TFE3: variants seen among roughly 807,000 people sequenced by gnomAD.
TFE3 encodes the protein transcription factor binding to IGHM enhancer 3, also known as transcription factor E3.
Under a neutral mutation model 35.0 loss-of-function variants are expected in TFE3, and 5 were observed. The observed-to-expected ratio is 0.14, with a 90% CI of 0.07 to 0.30. The LOEUF (loss-of-function observed/expected upper bound fraction) is 0.30. TFE3 is among the 10% of genes least tolerant of loss of function. The pLI, the probability that TFE3 is intolerant of heterozygous loss-of-function variation, is 1.00. For missense variants in TFE3, 374 were observed against 496.6 expected (o/e 0.75, Z 2.35); for synonymous variants, 211 against 215.6 (o/e 0.98, Z 0.18).
In TFE3 at chrX:49,035,217, G is replaced by A. The variant is rs782328428; in HGVS notation, c.886-966C>T. The stretch of plus-strand genomic sequence containing the variant: ...TGCACTTGTAGTCCCAGCTACTTGA[G>A]AGGCTGAAACAGGAGAGTTGCTTGA... On this transcript the variant is annotated intron_variant, in intron 5 of 9. Transcript: ENST00000315869. Among the ~76,000 whole-genome samples, 228 of 105,982 alleles carry A rather than the reference G, an allele frequency of 2.2e-3. 2 individuals carry two copies. Among genetic ancestry groups the A allele is most frequent in the African/African-American group, 7.3e-3 (214 of 29,254 alleles). 92.0% of individuals were successfully genotyped at this position (105,982 alleles called of 115,157 possible).
chrX:49,039,721 T>G (rs184031139), intron 2 of TFE3: 5,963 of 214,800 alleles, frequency 0.028, 95 homozygotes, highest in Middle Eastern at 0.041. Context: ...CAAGGGGGGG[T>G]TTGTCCTATT....
rs1557075467 is a variant in TFE3 at position 49,040,108 on chromosome X, T to C, written c.230+347A>G. 9.1e-5 allele frequency among the ~76,000 whole-genome samples: 10 copies of C among 109,692 alleles called. 3 individuals carry two copies. On this transcript the variant is annotated intron_variant, in intron 2 of 9. Transcript: ENST00000315869. ...GTGTGGGAAGGGACTGAGTTGGGGC[T>C]AGAGGCATGTCCCCGCCCACCCGGG...
rs782753958 is a variant in TFE3 at position 49,030,440 on chromosome X, T to TC, written c.1445dup (p.Pro483ThrfsTer138). On this transcript the variant is annotated frameshift_variant, in exon 10 of 10. Transcript: ENST00000315869. LOFTEE classifies it high-confidence loss of function. ...GCTGATGGGGAGCATTCTGGGCAGG[T>TC]CCCCCCCCTACATGGAACGTTGCTG... 12 of 1,208,215 alleles carry TC rather than the reference T, an allele frequency of 9.9e-6. No individual in the cohort carries two copies.
At chrX:49,035,499 C>T (rs1233950194) in intron 5 of TFE3, among the ~76,000 whole-genome samples, 2 of 88,072 alleles carry the variant, frequency 2.3e-5, no homozygotes, top group Admixed American at 1.5e-4. Flanking sequence ...CTCTGCCTCC[C>T]GGGTTCACGC....
At chrX:49,040,411 G>A (rs1396693397) in intron 2 of TFE3, 44 bp downstream of exon 2, 2 of 1,044,184 alleles carry the variant, frequency 1.9e-6, no homozygotes, top group Non-Finnish European at 2.7e-6. Flanking sequence ...GGAGAGGAGG[G>A]CTGAGGAATT....
At chrX:49,035,564 G>A (rs1408854133) in intron 5 of TFE3, among the ~76,000 whole-genome samples, 1 of 102,968 alleles carries the variant, frequency 9.7e-6, no homozygotes, top group Non-Finnish European at 2.0e-5. Flanking sequence ...CCGCCACCAC[G>A]CCCAGCTAAT....
rs782034488 is a variant in TFE3 at position 49,043,180 on chromosome X, G to A, written c.47C>T (p.Ala16Val). 17 of 1,182,467 alleles carry A rather than the reference G, an allele frequency of 1.4e-5. No homozygotes were observed. In the South Asian group the frequency reaches 2.6e-4, roughly 18 times the overall value. Reference protein sequence around the residue: ...EPARDGVEASAEGPRAVFVLL... With the variant: ...EPARDGVEASVEGPRAVFVLL... ...CACGAACACGGCTCGAGGGCCCTCC[G>A]CGCTGGCCTCTACGCCATCCCGAGC... Residue 16 changes from alanine (A) to valine (V), a missense_variant, in exon 1 of 10, where the codon GCG becomes GTG. By Grantham distance (64) the Ala-to-Val change is moderately conservative. Transcript: ENST00000315869.
intron 5 of TFE3, among the ~76,000 whole-genome samples, chrX:49,036,996 G>A (rs2064734025): frequency 9.0e-6 from 1 of 111,118 alleles, no homozygotes; most frequent in Non-Finnish European, 1.9e-5. Context: ...CCCACAGCAA[G>A]TTTGAAAACT....
At position 49,040,677 on chromosome X, in the gene TFE3, G is replaced by A. The variant is rs150773704; in HGVS notation, c.117-109C>T. ...AGAGGGGGGGAGAACGAAGAGGAGG[G>A]TACAAGCCCCTCATATTTGGCCACC... On this transcript the variant is annotated intron_variant, in intron 1 of 9. Coordinates refer to ENST00000315869, the MANE Select transcript of TFE3 (RefSeq NM_006521.6). 2,838 of 527,759 alleles carry A rather than the reference G, an allele frequency of 5.4e-3. 51 individuals carry two copies. In the African/African-American group the frequency reaches 0.058, roughly 11 times the overall value. 43.5% of individuals were successfully genotyped at this position (527,759 alleles called of 1,213,427 possible). A position where few individuals can be genotyped will look rare whatever the true frequency, so the allele number is the denominator to read the frequency against.
chrX:49,039,074 G>C (rs2064746083), intron 3 of TFE3, 33 bp downstream of exon 3: 4 of 1,119,779 alleles, frequency 3.6e-6, no homozygotes, highest in Non-Finnish European at 3.5e-6. Flanking sequence ...GTCACCAGGA[G>C]CCCCCTCCCA....
chrX:49,039,712 A>G (rs2064750123), intron 2 of TFE3: 1 of 239,841 alleles, frequency 4.2e-6, no homozygotes, highest in East Asian at 7.0e-5. Flanking sequence ...TCAGCTCTGC[A>G]AGGGGGGGTT....
chrX:49,038,498 G>GCAC (rs2064743216), intron 3 of TFE3, 56 bp from the exon 4 acceptor site: 15 of 1,165,836 alleles, frequency 1.3e-5, no homozygotes, highest in Non-Finnish European at 1.6e-5. Context: ...AGGACTCAAA[G>GCAC]GGGTGAATTC....
In TFE3 at chrX:49,029,727, T is replaced by C. The variant is rs2064686839; in HGVS notation, c.*431A>G. ...TCTTCTGTGCCAGGACGGACTAGAC[T>C]GGTGGTTCCAAGACAAAGGATGGAG... is the stretch of plus-strand genomic sequence containing the variant. On this transcript the variant is annotated 3_prime_UTR_variant, in exon 10 of 10. Coordinates refer to ENST00000315869, the MANE Select transcript of TFE3 (RefSeq NM_006521.6). The C allele has an allele frequency of 4.5e-6, 2 of 441,979 alleles. No individual in the cohort carries two copies. Among genetic ancestry groups the C allele is most frequent in the South Asian group, 2.3e-5 (1 of 43,240 alleles). The allele number at this position is 441,979 out of a possible 1,213,427, so 36.4% of individuals were successfully genotyped here.
At chrX:49,038,779 C>T (rs1400416509) in intron 3 of TFE3, among the ~76,000 whole-genome samples, 2 of 110,127 alleles carry the variant, frequency 1.8e-5, no homozygotes, top group Non-Finnish European at 3.8e-5. Flanking sequence ...CTTCCCAAGA[C>T]CCCCTAATGG....
intron 3 of TFE3, 124 bp from the exon 4 acceptor site, chrX:49,038,566 G>A: frequency 1.1e-6 from 1 of 925,499 alleles, no homozygotes; most frequent in East Asian, 3.5e-5. Context: ...AGACAAGCTG[G>A]GCCCAGAATC....
At chrX:49,034,349 A>G (rs895643717) in intron 5 of TFE3, 98 bp from the exon 6 acceptor site, 2 of 565,696 alleles carry the variant, frequency 3.5e-6, no homozygotes, top group Non-Finnish European at 3.0e-6. Context: ...TATCCCAAAG[A>G]TGGGGCACCC....
intron 5 of TFE3, among the ~76,000 whole-genome samples, chrX:49,036,299 C>T (rs2064728925): frequency 9.3e-6 from 1 of 107,593 alleles, no homozygotes; most frequent in Admixed American, 1.0e-4. Context: ...GAAACCCCGT[C>T]TCTACTAAAA....
rs1413145536 is a variant in TFE3, at chrX:49,043,194, G to A, written c.33C>T (p.Gly11=). MSHAAEPARD[G]VEASAEGPRA... ...GAGGGCCCTCCGCGCTGGCCTCTACGCCATCCCGAGCTGGTTCGGCCGCAT... is the reference window on the plus strand; with the variant it reads ...GAGGGCCCTCCGCGCTGGCCTCTACACCATCCCGAGCTGGTTCGGCCGCAT... The change falls in exon 1 of 10, where the codon GGC becomes GGT. Residue 11 remains glycine (G), a synonymous_variant. Transcript: ENST00000315869. 4.2e-6 allele frequency: 5 copies of A among 1,177,982 alleles called. No homozygotes were observed. Among genetic ancestry groups the A allele is most frequent in the Non-Finnish European group, 5.7e-6 (5 of 881,513 alleles).
Position 49,038,343 on chromosome X carries a change from C to A in TFE3, c.634G>T (p.Ala212Ser). 1 of 1,206,256 alleles carries A rather than the reference C, an allele frequency of 8.3e-7. No individual in the cohort carries two copies. Among genetic ancestry groups the A allele is most frequent in the East Asian group, 3.0e-5 (1 of 33,740 alleles). Reference sequence around the variant, plus strand: ...GGCGGTGGGGTGAGGGCCTGGGAAGCCAGCTTGGGCCCGAGTGTGGTGGAC... The same window carrying A: ...GGCGGTGGGGTGAGGGCCTGGGAAGACAGCTTGGGCCCGAGTGTGGTGGAC... ...YLSTTLGPKL[A>S]SQALTPPPGP... Residue 212 changes from alanine (A) to serine (S), a missense_variant, in exon 4 of 10, where the codon GCT becomes TCT. Around this residue, in one of 3 missense-constraint regions of TFE3, gnomAD observed 167 missense variants for 297.2 expected, o/e 0.56. Coordinates refer to ENST00000315869, the MANE Select transcript of TFE3 (RefSeq NM_006521.6).
Sources: gnomAD v4.1 joint callset for allele counts (sites outside exome capture counted in the v4.1 genomes callset) on GRCh38, gnomAD v4.1.1 for gene constraint, gnomAD v4.1.1 regional missense constraint, MANE v1.5 for transcripts, NCBI Gene and HGNC (gene_info 2026-07-23, HGNC 2026-07-21) for gene names.